Variants in KDF1 observed in about 807,000 individuals in gnomAD.
KDF1 encodes the protein keratinocyte differentiation factor 1.
In KDF1, 11 loss-of-function variants were observed where a neutral mutation model predicts 31.6. That is an observed-to-expected ratio of 0.35 (90% CI 0.22 to 0.58). KDF1 has a LOEUF of 0.58. Among genes scored for constraint, KDF1 ranks in the 20% least tolerant of loss-of-function variants. KDF1 has a pLI of 0.83. For missense variants in KDF1, 476 were observed against 549.1 expected, an observed-to-expected ratio of 0.87 and a Z score of 1.33; for synonymous variants, 205 against 214.4, an observed-to-expected ratio of 0.96 and a Z score of 0.38.
Position 26,950,050 on chromosome 1 carries a change from C to A in KDF1, c.*19G>T. On this transcript the variant is annotated 3_prime_UTR_variant, in exon 4 of 4. Transcript: ENST00000320567. The surrounding 1 kb of genome is among the most constrained non-coding windows in gnomAD (Gnocchi z 4.0). ...CATGCTTCTCCCAGAAAGGGTGTGG[C>A]AGCTGGGCCTGGCAGGGGTTAGCAG... The A allele has an allele frequency of 6.2e-7, 1 of 1,605,794 alleles. No individual in the cohort carries two copies.
intron 1 of KDF1, among the ~76,000 whole-genome samples, chr1:26,957,666 C>T (rs61457762): frequency 6.6e-6 from 1 of 152,014 alleles, no homozygotes; most frequent in Non-Finnish European, 1.5e-5. Flanking sequence ...AAATAAAATT[C>T]TAACAGGTGA....
Position 26,950,010 on chromosome 1 carries a change from C to A in KDF1, c.*59G>T. The A allele has an allele frequency of 2.6e-6, 4 of 1,544,522 alleles. No homozygotes were observed. The highest frequency in any genetic ancestry group is 3.6e-6 in the Non-Finnish European group (4 of 1,119,378). ...TCCCACAGGGGTTCCTGGTCCCCCT[C>A]TTCATTCTGTAGGCCATGCTTCTCC... On this transcript the variant is annotated 3_prime_UTR_variant, in exon 4 of 4. Transcript: ENST00000320567. The surrounding 1 kb of genome is among the most constrained non-coding windows in gnomAD (Gnocchi z 4.0).
chr1:26,954,885 G>A (rs1472913964), intron 1 of KDF1, among the ~76,000 whole-genome samples: 4 of 142,668 alleles, frequency 2.8e-5, no homozygotes, highest in Admixed American at 7.1e-5. Flanking sequence ...TTGAGATGGA[G>A]TCTCGCTCTG....
chr1:26,955,658 A>C (rs1201907888), intron 1 of KDF1, among the ~76,000 whole-genome samples: 1 of 152,152 alleles, frequency 6.6e-6, no homozygotes, highest in Non-Finnish European at 1.5e-5. Flanking sequence ...CAGATGCTTA[A>C]AAGTTTGTAA....
intron 1 of KDF1, among the ~76,000 whole-genome samples, chr1:26,953,335 C>T (rs868017278): frequency 2.0e-5 from 3 of 152,188 alleles, no homozygotes; most frequent in African/African-American, 7.2e-5. Context: ...AATGGTGCAG[C>T]TGCTATGGAA....
intron 1 of KDF1, among the ~76,000 whole-genome samples, chr1:26,957,309 G>A (rs1481368996): frequency 6.6e-6 from 1 of 152,106 alleles, no homozygotes; most frequent in Non-Finnish European, 1.5e-5. Context: ...TCCTTCTCCA[G>A]GGACCTTCTG....
chr1:26,951,919 G>C lies in KDF1; in HGVS notation c.462C>G (p.Thr154=). ...SRRDGQRLKS[T]MGSSFSYPDV... ...CGGGGTAGCTGAAGCTGCTGCCCAT[G>C]GTTGACTTGAGCCGCTGGCCATCCC... Residue 154 remains threonine (T), a synonymous_variant, in exon 2 of 4, where the codon ACC becomes ACG. Transcript: ENST00000320567. This position sits in a 1 kb window ranked among gnomAD's most constrained non-coding sequence, Gnocchi z 5.4. 6.2e-7 allele frequency: 1 copy of C among 1,606,532 alleles called. No individual in the cohort carries two copies. The highest frequency in any genetic ancestry group is 2.2e-5 in the East Asian group (1 of 44,740).
chr1:26,951,425 C>T lies in KDF1; in HGVS notation c.956G>A (p.Arg319His), dbSNP rs145055719. The T allele has an allele frequency of 1.3e-4, 204 of 1,612,118 alleles. No individual in the cohort carries two copies. Among genetic ancestry groups the T allele is most frequent in the African/African-American group, 6.4e-4 (48 of 74,918 alleles). ...GGTTGGGGCAGCAGCCCGAGTTGAA[C>T]GACCCTCCGAGGTCTGTGGGCGAGC... ...SRARPQTSEG[R>H]STRAAAPTAA... The change falls in exon 2 of 4, where the codon CGT becomes CAT. Residue 319 changes from arginine to histidine, a missense_variant. Transcript: ENST00000320567. The surrounding 1 kb of genome is among the most constrained non-coding windows in gnomAD (Gnocchi z 5.4).
intron 1 of KDF1, among the ~76,000 whole-genome samples, chr1:26,958,209 C>A (rs539489008): frequency 6.9e-6 from 1 of 145,444 alleles, no homozygotes; most frequent in East Asian, 2.0e-4. Context: ...GTGGTCTTGG[C>A]TCACTGCAAC....
At position 26,950,146 on chromosome 1, in the gene KDF1, G is replaced by A. The variant is rs184302730; in HGVS notation, c.1120C>T (p.Pro374Ser). 42 of 1,613,530 alleles carry A rather than the reference G, an allele frequency of 2.6e-5. No individual in the cohort carries two copies. In the East Asian group the frequency reaches 7.8e-4, roughly 30 times the overall value. ...KLRPYGAPGY[P>S]ASHDSSFQGT... is the part of the protein sequence containing the mutation. The stretch of plus-strand genomic sequence containing the variant: ...TGGAAGGATGAGTCATGGCTTGCTG[G>A]GTACCCTGGTAGGAAGGAGAGGAGA... The change falls in exon 4 of 4, where the codon CCA becomes TCA. Residue 374 changes from proline (P) to serine (S), a missense_variant. This residue lies in a region of KDF1 where 146 missense variants were observed against 216.8 expected (regional missense o/e 0.67). Coordinates refer to ENST00000320567, the MANE Select transcript of KDF1 (RefSeq NM_152365.3). This position sits in a 1 kb window ranked among gnomAD's most constrained non-coding sequence, Gnocchi z 4.0.
At position 26,951,084 on chromosome 1, in the gene KDF1, T is replaced by C. The variant is rs1183813821; in HGVS notation, c.1039+258A>G. Reference sequence around the variant, plus strand: ...AAACTTGTTGAATGCAGAGGGAACCTTGACCTTTCTGGGGACAGCAGCGAT... The same window carrying C: ...AAACTTGTTGAATGCAGAGGGAACCCTGACCTTTCTGGGGACAGCAGCGAT... On this transcript the variant is annotated intron_variant, in intron 2 of 3. Coordinates refer to ENST00000320567, the MANE Select transcript of KDF1 (RefSeq NM_152365.3). The surrounding 1 kb of genome is among the most constrained non-coding windows in gnomAD (Gnocchi z 5.4). Among the ~76,000 whole-genome samples the C allele has an allele frequency of 6.6e-6, 1 of 152,168 alleles. No homozygotes were observed. The highest frequency in any genetic ancestry group is 2.4e-5 in the African/African-American group (1 of 41,434).
chr1:26,954,835 C>G (rs868235179), intron 1 of KDF1, among the ~76,000 whole-genome samples: 1 of 66,314 alleles, frequency 1.5e-5, no homozygotes, highest in Non-Finnish European at 3.1e-5. Flanking sequence ...GACTCTGTCT[C>G]AAAAAAAAAA....
chr1:26,956,965 T>C (rs35962879), intron 1 of KDF1, among the ~76,000 whole-genome samples: 16,626 of 152,162 alleles, frequency 0.11, 1,198 homozygotes, highest in African/African-American at 0.21. Context: ...CTCCCTCTGT[T>C]ACCCAGATTG....
Position 26,951,311 on chromosome 1 carries a change from T to C in KDF1, c.1039+31A>G. The C allele has an allele frequency of 6.7e-7, 1 of 1,502,576 alleles. No individual in the cohort carries two copies. Among genetic ancestry groups the C allele is most frequent in the Non-Finnish European group, 8.9e-7 (1 of 1,119,258 alleles). The allele number at this position is 1,502,576 out of a possible 1,614,324, so 93.1% of individuals were successfully genotyped here. On this transcript the variant is annotated intron_variant, in intron 2 of 3. Coordinates refer to ENST00000320567, the MANE Select transcript of KDF1 (RefSeq NM_152365.3). The surrounding 1 kb of genome is among the most constrained non-coding windows in gnomAD (Gnocchi z 5.4). ...CCCCTGGCCAGAGCCTCCCCTACTC[T>C]GCCCCTCAGCCCCATGGGGCCCCCA...
At chr1:26,953,613 A>G (rs1473302877) in intron 1 of KDF1, among the ~76,000 whole-genome samples, 5 of 152,234 alleles carry the variant, frequency 3.3e-5, no homozygotes, top group Non-Finnish European at 7.3e-5. Flanking sequence ...ATGCTGCAAC[A>G]TGGATGAACC....
At chr1:26,958,748 C>T (rs763052874) in intron 1 of KDF1, among the ~76,000 whole-genome samples, 1 of 152,226 alleles carries the variant, frequency 6.6e-6, no homozygotes, top group Non-Finnish European at 1.5e-5. Context: ...CTGCCAGCTC[C>T]ATGGACCAGC....
rs1490121713 is a variant in KDF1 at position 26,950,293 on chromosome 1, C to T, written c.1115-142G>A. 1.4e-6 allele frequency: 1 copy of T among 723,638 alleles called. No individual in the cohort carries two copies. The highest frequency in any genetic ancestry group is 2.6e-5 in the East Asian group (1 of 37,906). The allele number at this position is 723,638 out of a possible 1,614,324, so 44.8% of individuals were successfully genotyped here. A position where few individuals can be genotyped will look rare whatever the true frequency, so the allele number is the denominator to read the frequency against. ...TCTGATCCTGGCTGGATGACCCACT[C>T]AGTTTATTGACCTCTCTGAGCCCTA... On this transcript the variant is annotated intron_variant, in intron 3 of 3. Transcript: ENST00000320567. This position sits in a 1 kb window ranked among gnomAD's most constrained non-coding sequence, Gnocchi z 4.0.
Position 26,960,140 on chromosome 1 carries a change from G to A in KDF1, c.-33+210C>T, listed in dbSNP as rs1172524880. 2.0e-5 allele frequency among the ~76,000 whole-genome samples: 3 copies of A among 152,122 alleles called. No homozygotes were observed. Among genetic ancestry groups the A allele is most frequent in the African/African-American group, 7.2e-5 (3 of 41,446 alleles). On this transcript the variant is annotated intron_variant, in intron 1 of 3. Coordinates refer to ENST00000320567, the MANE Select transcript of KDF1 (RefSeq NM_152365.3). The surrounding 1 kb of genome is among the most constrained non-coding windows in gnomAD (Gnocchi z 4.9). ...CCGCACCCAGCCAGTGCAGCCCTAAGGGCGAACGCGGCCCCTCACCCCATT... is the reference window on the plus strand; with the variant it reads ...CCGCACCCAGCCAGTGCAGCCCTAAAGGCGAACGCGGCCCCTCACCCCATT...
In KDF1 at chr1:26,951,680, A is replaced by G. The variant is rs1446555798; in HGVS notation, c.701T>C (p.Met234Thr). The G allele has an allele frequency of 7.4e-6, 12 of 1,613,732 alleles. No homozygotes were observed. Among genetic ancestry groups the G allele is most frequent in the South Asian group, 1.1e-5 (1 of 91,088 alleles). Residue 234 changes from methionine (M) to threonine (T), a missense_variant, in exon 2 of 4, where the codon ATG becomes ACG. Physicochemically the swap from Met to Thr is moderately conservative, Grantham distance 81. Transcript: ENST00000320567. The surrounding 1 kb of genome is among the most constrained non-coding windows in gnomAD (Gnocchi z 5.4). ...LDLPEMGSGS[M>T]SSREIDVLIF... is the part of the protein sequence containing the mutation. ...GAGCACATCAATTTCTCGGCTCGACATGGAGCCACTGCCCATCTCCGGCAG... is the reference window on the plus strand; with the variant it reads ...GAGCACATCAATTTCTCGGCTCGACGTGGAGCCACTGCCCATCTCCGGCAG...
Sources: gnomAD v4.1 joint callset for allele counts (sites outside exome capture counted in the v4.1 genomes callset) on GRCh38, gnomAD v4.1.1 for gene constraint, gnomAD v4.1.1 regional missense constraint, Gnocchi (gnomAD v3.1) non-coding constraint, MANE v1.5 for transcripts, NCBI Gene and HGNC (gene_info 2026-07-23, HGNC 2026-07-21) for gene names.